TMEM232: variants seen among roughly 807,000 people sequenced by gnomAD.
TMEM232 encodes the protein transmembrane protein 232.
A neutral mutation model predicts 78.8 loss-of-function variants in TMEM232; 80 were observed. The observed-to-expected ratio is 1.01, with a 90% CI of 0.85 to 1.22. The LOEUF (loss-of-function observed/expected upper bound fraction) is 1.22. Ranked by LOEUF, TMEM232 falls within the 50% of genes most tolerant of loss-of-function variation. The pLI, the probability that TMEM232 is intolerant of heterozygous loss-of-function variation, is 0.00. For synonymous variants in TMEM232, 297 were observed against 254.3 expected (o/e 1.17, Z -1.60); for missense variants, 881 against 742.2 (o/e 1.19, Z -2.17).
intron 12 of TMEM232, among the ~76,000 whole-genome samples, chr5:110,522,729 T>C (rs1414349146): frequency 2.0e-5 from 3 of 152,188 alleles, no homozygotes; most frequent in African/African-American, 7.2e-5. Flanking sequence ...GATTTTTGTA[T>C]GTTGAACCGT....
At chr5:110,449,154 G>T (rs1456391822) in intron 12 of TMEM232, among the ~76,000 whole-genome samples, 2 of 151,870 alleles carry the variant, frequency 1.3e-5, no homozygotes, top group Non-Finnish European at 2.9e-5. Flanking sequence ...GGAATTTAAG[G>T]CAAAATCATC....
chr5:110,563,386 T>C (rs1775974314), intron 11 of TMEM232, among the ~76,000 whole-genome samples: 1 of 151,940 alleles, frequency 6.6e-6, no homozygotes, highest in African/African-American at 2.4e-5. Context: ...GGCATATAAA[T>C]AGAATTATAA....
At chr5:110,588,958 A>G (rs1460796269) in intron 10 of TMEM232, among the ~76,000 whole-genome samples, 1 of 152,126 alleles carries the variant, frequency 6.6e-6, no homozygotes, top group Non-Finnish European at 1.5e-5. Context: ...CACAGAAGAC[A>G]TCATTTCCAA....
At chr5:110,692,853 G>A (rs111646814) in intron 1 of TMEM232, among the ~76,000 whole-genome samples, 4,109 of 152,278 alleles carry the variant, frequency 0.027, 192 homozygotes, top group African/African-American at 0.094. Flanking sequence ...TGGCCTGCCT[G>A]CCTCTGTAGG....
intron 2 of TMEM232, among the ~76,000 whole-genome samples, chr5:110,409,677 A>G (rs1466114198): frequency 6.6e-6 from 1 of 151,940 alleles, no homozygotes; most frequent in Non-Finnish European, 1.5e-5. Context: ...TCTGTTGAGT[A>G]TCTTTAGCTC....
chr5:110,588,688 A>G (rs953424528), intron 10 of TMEM232, among the ~76,000 whole-genome samples: 4 of 152,142 alleles, frequency 2.6e-5, no homozygotes, highest in African/African-American at 7.2e-5. Context: ...ATTTCATTGT[A>G]GTGTAAGGAC....
chr5:110,678,078 G>C (rs1016622410), intron 1 of TMEM232, among the ~76,000 whole-genome samples: 1 of 152,010 alleles, frequency 6.6e-6, no homozygotes, highest in African/African-American at 2.4e-5. Flanking sequence ...TTATTTATTT[G>C]TTTAGAGACA....
At chr5:110,500,825 G>C (rs567729132) in intron 12 of TMEM232, among the ~76,000 whole-genome samples, 32 of 152,234 alleles carry the variant, frequency 2.1e-4, no homozygotes, top group Admixed American at 3.3e-4. Context: ...CATGGGTCTG[G>C]AACAGCCACT....
intron 12 of TMEM232, among the ~76,000 whole-genome samples, chr5:110,487,193 G>C (rs1580886541): frequency 6.6e-6 from 1 of 152,152 alleles, no homozygotes; most frequent in East Asian, 1.9e-4. Context: ...TCTTTTCTCA[G>C]TTCTAGGAGC....
intron 12 of TMEM232, among the ~76,000 whole-genome samples, chr5:110,438,415 C>G (rs535562139): frequency 6.6e-6 from 1 of 151,818 alleles, no homozygotes; most frequent in South Asian, 2.1e-4. Flanking sequence ...AATTACCTCT[C>G]CATTCTCATG....
intron 6 of TMEM232, among the ~76,000 whole-genome samples, chr5:110,627,001 C>T (rs1165182573): frequency 6.6e-6 from 1 of 152,042 alleles, no homozygotes; most frequent in Non-Finnish European, 1.5e-5. Context: ...GGATGACTGT[C>T]AATTCTATAT....
intron 12 of TMEM232, among the ~76,000 whole-genome samples, chr5:110,441,429 T>C (rs1317790439): frequency 6.6e-6 from 1 of 152,136 alleles, no homozygotes; most frequent in Non-Finnish European, 1.5e-5. Context: ...AAGTTTCCTT[T>C]TTCCTAGTTC....
intron 11 of TMEM232, among the ~76,000 whole-genome samples, chr5:110,540,210 G>T (rs945259000): frequency 2.4e-4 from 36 of 152,304 alleles, no homozygotes; most frequent in African/African-American, 8.7e-4. Context: ...TCAGAACACA[G>T]ATCAACTGCC....
intron 5 of TMEM232, among the ~76,000 whole-genome samples, chr5:110,631,521 C>A (rs1785130478): frequency 2.6e-5 from 4 of 152,120 alleles, no homozygotes; most frequent in Admixed American, 2.6e-4. Context: ...TCTCTCTCCC[C>A]CTCTCCATAC....
rs953803469 is a variant in TMEM232, at chr5:110,627,925, A to G, written c.502-45T>C. ...AAATACATTTTTGTGTTGCATCAAT[A>G]AATGTTTAAAAACCATAAGAAAAAT... On this transcript the variant is annotated intron_variant, in intron 5 of 13. Coordinates refer to ENST00000455884, the MANE Select transcript of TMEM232 (RefSeq NM_001039763.4). 1.3e-5 allele frequency: 17 copies of G among 1,259,318 alleles called. No individual in the cohort carries two copies. The Admixed American group carries it at 2.3e-4, about 17-fold the overall frequency. 78.0% of individuals were successfully genotyped at this position (1,259,318 alleles called of 1,614,324 possible).
At chr5:110,633,235 G>C (rs1300318399) in intron 5 of TMEM232, among the ~76,000 whole-genome samples, 1 of 152,070 alleles carries the variant, frequency 6.6e-6, no homozygotes, top group Non-Finnish European at 1.5e-5. Context: ...AAATGTTCAA[G>C]GGAGTTCTAA....
chr5:110,505,347 T>G (rs1766749350), intron 12 of TMEM232, among the ~76,000 whole-genome samples: 1 of 152,138 alleles, frequency 6.6e-6, no homozygotes, highest in Admixed American at 6.5e-5. Context: ...CCCCAGCTTT[T>G]AGCCTAAGAA....
chr5:110,419,926 G>C lies in TMEM232; in HGVS notation c.*654C>G, dbSNP rs1325752319. 6.6e-6 allele frequency among the ~76,000 whole-genome samples: 1 copy of C among 151,944 alleles called. No individual in the cohort carries two copies. The highest frequency in any genetic ancestry group is 1.5e-5 in the Non-Finnish European group (1 of 67,946). ...TCAGCAGTTGCTCCTGGACCTTCCA[G>C]GTTCATAAGAATTCATTCTCATAAA... is the stretch of plus-strand genomic sequence containing the variant. On this transcript the variant is annotated 3_prime_UTR_variant, in exon 14 of 14. Coordinates refer to ENST00000455884, the MANE Select transcript of TMEM232 (RefSeq NM_001039763.4).
intron 2 of TMEM232, among the ~76,000 whole-genome samples, chr5:110,407,081 A>C (rs1349901639): frequency 1.3e-5 from 2 of 152,158 alleles, no homozygotes; most frequent in Admixed American, 1.3e-4. Flanking sequence ...AGAAGAGGAA[A>C]GTCTCAAAAC....
Sources: allele counts gnomAD v4.1 joint callset (sites outside exome capture counted in the v4.1 genomes callset), GRCh38; gene constraint gnomAD v4.1.1; transcripts MANE v1.5; gene names NCBI Gene and HGNC (gene_info 2026-07-23, HGNC 2026-07-21).